The following HERC1 variants were observed in gnomAD, a reference collection of about 807,000 sequenced individuals.
HERC1 encodes the protein probable E3 ubiquitin-protein ligase HERC1.
In HERC1, 160 loss-of-function variants were observed where a neutral mutation model predicts 554.3. That is an observed-to-expected ratio of 0.29 (90% confidence interval 0.25 to 0.33). The LOEUF is 0.33. Among genes scored for constraint, HERC1 ranks in the 10% least tolerant of loss-of-function variants. The pLI is 1.00. For synonymous variants in HERC1, 2,175 were observed against 2,131.7 expected (o/e 1.02, Z -0.56); for missense variants, 4,919 against 5,918.5 (o/e 0.83, Z 5.54).
At chr15:63,645,704 A>T (rs1595884774) in intron 55 of HERC1, 22 bp from the exon 56 acceptor site, 1 of 1,390,400 alleles carries the variant, frequency 7.2e-7, no homozygotes, top group African/African-American at 1.5e-5. Flanking sequence ...AGGAAGAGAA[A>T]AAAAATCAGA....
intron 10 of HERC1, among the ~76,000 whole-genome samples, 157 bp from the exon 11 acceptor site, chr15:63,748,015 G>A (rs1445156016): frequency 6.6e-6 from 1 of 152,076 alleles, no homozygotes; most frequent in Non-Finnish European, 1.5e-5. Context: ...TACCTGAGGT[G>A]AGGAGTTCAA....
rs575998983 is a variant in HERC1, at chr15:63,654,731, T to C, written c.10085-407A>G. Among the ~76,000 whole-genome samples the C allele has an allele frequency of 2.0e-5, 3 of 150,890 alleles. No individual in the cohort carries two copies. The South Asian group carries it at 6.3e-4, about 32-fold the overall frequency. On this transcript the variant is annotated intron_variant, in intron 50 of 77. Transcript: ENST00000443617. ...AAAAAAAATTAGCCACACCATGGTA[T>C]GGTGGCACGTGCCTATAATCCCAGC...
At chr15:63,643,201 C>T (rs2069157474) in intron 58 of HERC1, 143 bp from the exon 59 acceptor site, 2 of 819,654 alleles carry the variant, frequency 2.4e-6, no homozygotes, top group African/African-American at 1.7e-5. Context: ...ATACCTACTA[C>T]AAAATTTTCT....
chr15:63,678,631 G>T (rs1166171901), intron 36 of HERC1, among the ~76,000 whole-genome samples: 1 of 152,074 alleles, frequency 6.6e-6, no homozygotes, highest in Non-Finnish European at 1.5e-5. Flanking sequence ...TTTGAAAGAT[G>T]AATATAGAGA....
chr15:63,812,933 C>A (rs1327937408), intron 1 of HERC1, among the ~76,000 whole-genome samples: 3 of 152,122 alleles, frequency 2.0e-5, no homozygotes, highest in Admixed American at 6.5e-5. Flanking sequence ...TAATACTTAA[C>A]AAAATACCAG....
chr15:63,681,955 A>C (rs1053618177), intron 34 of HERC1, among the ~76,000 whole-genome samples: 1 of 152,228 alleles, frequency 6.6e-6, no homozygotes, highest in Non-Finnish European at 1.5e-5. Context: ...AGTCTCCGTC[A>C]TGAGTGTATC....
At chr15:63,806,050 GTA>G (rs1253535261) in intron 1 of HERC1, among the ~76,000 whole-genome samples, 1 of 151,700 alleles carries the variant, frequency 6.6e-6, no homozygotes, top group East Asian at 1.9e-4. Flanking sequence ...TTTCTTCTCA[GTA>G]TATATTTTTT....
In HERC1 at chr15:63,677,876, C is replaced by T. The variant is rs760574108; in HGVS notation, c.7039G>A (p.Val2347Ile). Residue 2347 changes from valine to isoleucine, a missense_variant, in exon 37 of 78, where the codon GTC becomes ATC. By Grantham distance (29) the Val-to-Ile change is conservative. Transcript: ENST00000443617. This position sits in a 1 kb window ranked among gnomAD's most constrained non-coding sequence, Gnocchi z 4.4. Reference sequence around the variant, plus strand: ...GTAATTTCTGCTTCATCCCATTGGACCTTGGCAGACGTGCTGCCCTCTTTG... The same window carrying T: ...GTAATTTCTGCTTCATCCCATTGGATCTTGGCAGACGTGCTGCCCTCTTTG... ...VVKEGSTSAK[V>I]QWDEAEITIS... The T allele has an allele frequency of 6.2e-7, 1 of 1,613,896 alleles. No homozygotes were observed. The highest frequency in any genetic ancestry group is 8.5e-7 in the Non-Finnish European group (1 of 1,179,836).
intron 32 of HERC1, among the ~76,000 whole-genome samples, chr15:63,690,319 C>T (rs986191674): frequency 1.3e-5 from 2 of 152,112 alleles, no homozygotes; most frequent in African/African-American, 4.8e-5. Flanking sequence ...TTCCTTCTGA[C>T]CTTGCAGAGT....
intron 55 of HERC1, among the ~76,000 whole-genome samples, chr15:63,647,312 CCA>C (rs1296956812): frequency 6.6e-6 from 1 of 151,500 alleles, no homozygotes; most frequent in African/African-American, 2.4e-5. Context: ...TCATCTCACC[CCA>C]GTCAGGATGG....
chr15:63,768,879 T>G, intron 2 of HERC1, among the ~76,000 whole-genome samples: 1 of 152,228 alleles, frequency 6.6e-6, no homozygotes, highest in East Asian at 1.9e-4. Flanking sequence ...CAGTTCCCAC[T>G]ACATAGTAAG....
At chr15:63,613,620 C>A (rs1287430399) in intron 76 of HERC1, among the ~76,000 whole-genome samples, 3 of 151,798 alleles carry the variant, frequency 2.0e-5, no homozygotes, top group Non-Finnish European at 2.9e-5. Flanking sequence ...ATATGCATAT[C>A]CTATATTATC....
At chr15:63,744,168 C>CTG (rs1567078171) in intron 12 of HERC1, among the ~76,000 whole-genome samples, 1 of 41,048 alleles carries the variant, frequency 2.4e-5, no homozygotes, top group Non-Finnish European at 5.3e-5. Flanking sequence ...GTGTGTGTCT[C>CTG]TCTCTCTCTC....
At chr15:63,652,989 T>C (rs1204753323) in intron 51 of HERC1, among the ~76,000 whole-genome samples, 1 of 152,240 alleles carries the variant, frequency 6.6e-6, no homozygotes, top group Non-Finnish European at 1.5e-5. Flanking sequence ...TATTTGAAGC[T>C]ATACTTATTT....
At position 63,725,428 on chromosome 15, in the gene HERC1, T is replaced by G. The variant is rs1004652843; in HGVS notation, c.3432A>C (p.Thr1144=). Residue 1144 remains threonine (T), a synonymous_variant, in exon 18 of 78, where the codon ACA becomes ACC. Transcript: ENST00000443617. ...GACACCGCCCAATAAGGAGAGCAATTGTTCTTTCTAGATCCACAAGCCATA... is the reference window on the plus strand; with the variant it reads ...GACACCGCCCAATAAGGAGAGCAATGGTTCTTTCTAGATCCACAAGCCATA... ...SWVWLVDLER[T]IALLIGRCLG... The G allele has an allele frequency of 6.2e-7, 1 of 1,613,546 alleles. No individual in the cohort carries two copies. Among genetic ancestry groups the G allele is most frequent in the Non-Finnish European group, 8.5e-7 (1 of 1,179,816 alleles).
chr15:63,612,644 C>T lies in HERC1; in HGVS notation c.14095-88G>A. 3.1e-6 allele frequency: 4 copies of T among 1,288,198 alleles called. No individual in the cohort carries two copies. The highest frequency in any genetic ancestry group is 2.4e-5 in the East Asian group (1 of 41,934). The allele number at this position is 1,288,198 out of a possible 1,614,324, so 79.8% of individuals were successfully genotyped here. A position where few individuals can be genotyped will look rare whatever the true frequency, so the allele number is the denominator to read the frequency against. On this transcript the variant is annotated intron_variant, in intron 76 of 77. Transcript: ENST00000443617. This position sits in a 1 kb window ranked among gnomAD's most constrained non-coding sequence, Gnocchi z 5.0. ...CTGTGGGGCTAGGCGCCTCCTGATG[C>T]CTGCTCGTCCGCTCCCCAGACCCTC...
intron 39 of HERC1, among the ~76,000 whole-genome samples, chr15:63,670,871 A>G (rs1036501477): frequency 6.6e-6 from 1 of 152,056 alleles, no homozygotes; most frequent in Non-Finnish European, 1.5e-5. Flanking sequence ...AGCCTGGACA[A>G]CAAAGCAAGA....
At chr15:63,624,429 G>A in intron 71 of HERC1, 102 bp from the exon 72 acceptor site, 2 of 1,050,176 alleles carry the variant, frequency 1.9e-6, no homozygotes, top group South Asian at 1.6e-5. Context: ...GGGCGCAGTG[G>A]CTCATGCCTG....
chr15:63,620,525 C>T (rs1010026059), intron 74 of HERC1, among the ~76,000 whole-genome samples: 1 of 152,260 alleles, frequency 6.6e-6, no homozygotes, highest in African/African-American at 2.4e-5. Context: ...TGGTGCAGAG[C>T]TGAGTTCAAT....
Sources: gnomAD v4.1 joint callset for allele counts (sites outside exome capture counted in the v4.1 genomes callset) on GRCh38, gnomAD v4.1.1 for gene constraint, Gnocchi (gnomAD v3.1) non-coding constraint, MANE v1.5 for transcripts, NCBI Gene and HGNC (gene_info 2026-07-23, HGNC 2026-07-21) for gene names.